Variants in KCNMA1 observed in about 807,000 individuals in gnomAD.
KCNMA1 encodes the protein Calcium-activated potassium channel subunit alpha-1.
Under a neutral mutation model 140.0 loss-of-function variants are expected in KCNMA1, and 29 were observed. That is an observed-to-expected ratio of 0.21 (90% CI 0.15 to 0.28). The LOEUF is 0.28. Among genes scored for constraint, KCNMA1 ranks in the 10% least tolerant of loss-of-function variants. The pLI is 1.00. For synonymous variants in KCNMA1, 612 were observed against 611.9 expected, an observed-to-expected ratio of 1.00 and a Z score of 0.00; for missense variants, 880 against 1,602.2, an observed-to-expected ratio of 0.55 and a Z score of 7.70.
rs543251639 is a variant in KCNMA1 at position 77,608,399 on chromosome 10, C to A, written c.378+28866G>T. Among the ~76,000 whole-genome samples, 4 of 152,216 alleles carry A rather than the reference C, an allele frequency of 2.6e-5. No individual in the cohort carries two copies. The South Asian group carries it at 8.3e-4, about 32-fold the overall frequency. On this transcript the variant is annotated intron_variant, in intron 1 of 27. Transcript: ENST00000286628. ...ATGTTGCCCAGGCTGGTCTCAAACT[C>A]CTGGGCTCAAGCGATCCACCCGCCT... is the stretch of plus-strand genomic sequence containing the variant.
At chr10:77,207,058 T>C (rs1430191636) in intron 3 of KCNMA1, among the ~76,000 whole-genome samples, 5 of 152,190 alleles carry the variant, frequency 3.3e-5, no homozygotes, top group Non-Finnish European at 1.5e-5. Flanking sequence ...ATGTTTGACA[T>C]CTAATTTTTG....
intron 1 of KCNMA1, chr10:77,586,483 G>T (rs1385856088): frequency 6.6e-6 from 1 of 152,202 alleles, no homozygotes; most frequent in African/African-American, 2.4e-5. Context: ...GAACAAAATA[G>T]AGATGCAGCA....
intron 23 of KCNMA1, among the ~76,000 whole-genome samples, chr10:76,943,971 A>G (rs1412328506): frequency 6.6e-6 from 1 of 152,108 alleles, no homozygotes; most frequent in Non-Finnish European, 1.5e-5. Context: ...CAGGCAGCCA[A>G]TGCCACCCTC....
At chr10:77,164,804 A>G (rs2154085116) in intron 5 of KCNMA1, among the ~76,000 whole-genome samples, 1 of 152,298 alleles carries the variant, frequency 6.6e-6, no homozygotes, top group East Asian at 1.9e-4. Flanking sequence ...TAACAGAAGC[A>G]ACTGGTTGAA....
chr10:77,141,261 C>T (rs1358645235), intron 5 of KCNMA1, among the ~76,000 whole-genome samples: 1 of 152,134 alleles, frequency 6.6e-6, no homozygotes. Flanking sequence ...TCTCTCATTA[C>T]CAACCCCAGC....
chr10:77,001,455 G>C lies in KCNMA1; in HGVS notation c.2218C>G (p.Pro740Ala). 1 of 1,551,756 alleles carries C rather than the reference G, an allele frequency of 6.4e-7. No individual in the cohort carries two copies. Among genetic ancestry groups the C allele is most frequent in the Non-Finnish European group, 8.7e-7 (1 of 1,146,972 alleles). The change falls in exon 19 of 28, where the codon CCA becomes GCA. Residue 740 changes from proline to alanine, a missense_variant. Pro to Ala is a conservative substitution (Grantham distance 27, BLOSUM62 -1). Coordinates refer to ENST00000286628, the MANE Select transcript of KCNMA1 (RefSeq NM_001161352.2). ...GNVDTLERAF[P>A]LSSVSVNDCS... ...TCATTAACAGAGACAGAAGAAAGTG[G>C]GAAGGCTCTCTCAAGGGTGTCCACG...
At chr10:77,403,574 G>GGT (rs147994970) in intron 2 of KCNMA1, among the ~76,000 whole-genome samples, 1 of 151,852 alleles carries the variant, frequency 6.6e-6, no homozygotes, top group Non-Finnish European at 1.5e-5. Flanking sequence ...GATGATGGAG[G>GGT]GTGTGTGTGT....
intron 23 of KCNMA1, among the ~76,000 whole-genome samples, chr10:76,920,051 T>TAC (rs1239365177): frequency 8.6e-5 from 10 of 116,710 alleles, no homozygotes; most frequent in Non-Finnish European, 1.7e-5. Flanking sequence ...TATATATATA[T>TAC]ACACACAATA....
intron 1 of KCNMA1, among the ~76,000 whole-genome samples, chr10:77,565,734 A>G (rs2068042743): frequency 6.6e-6 from 1 of 152,246 alleles, no homozygotes; most frequent in Admixed American, 6.5e-5. Context: ...TTGGCACAAG[A>G]TAAGTGGTTA....
At chr10:77,610,290 C>A (rs572913102) in intron 1 of KCNMA1, among the ~76,000 whole-genome samples, 1 of 152,372 alleles carries the variant, frequency 6.6e-6, no homozygotes, top group Admixed American at 6.5e-5. Context: ...CTGCACCCCC[C>A]ACCACACACA....
chr10:77,565,926 C>G (rs116595129), intron 1 of KCNMA1, among the ~76,000 whole-genome samples: 1 of 152,108 alleles, frequency 6.6e-6, no homozygotes, highest in African/African-American at 2.4e-5. Context: ...CAGGGACACA[C>G]AGAACAAGCC....
chr10:77,434,340 G>A (rs1206020811), intron 1 of KCNMA1, among the ~76,000 whole-genome samples: 1 of 152,176 alleles, frequency 6.6e-6, no homozygotes, highest in Non-Finnish European at 1.5e-5. Flanking sequence ...CTGTGGAAAG[G>A]AGGTATCTTG....
At chr10:76,945,660 G>A (rs1435601520) in intron 22 of KCNMA1, among the ~76,000 whole-genome samples, 1 of 152,078 alleles carries the variant, frequency 6.6e-6, no homozygotes, top group African/African-American at 2.4e-5. Context: ...ATATACTTTT[G>A]GACATGCACA....
At chr10:77,032,200 A>T (rs1175521076) in intron 15 of KCNMA1, among the ~76,000 whole-genome samples, 1 of 152,120 alleles carries the variant, frequency 6.6e-6, no homozygotes, top group African/African-American at 2.4e-5. Flanking sequence ...TACCCCTTAC[A>T]CTCCCAAGAA....
At chr10:76,969,798 A>G (rs1279657707) in intron 20 of KCNMA1, among the ~76,000 whole-genome samples, 176 bp downstream of exon 20, 1 of 152,342 alleles carries the variant, frequency 6.6e-6, no homozygotes, top group East Asian at 1.9e-4. Flanking sequence ...AACTGCTGAC[A>G]AGCTGACAGA....
chr10:77,271,848 A>T (rs1247009113), intron 2 of KCNMA1, among the ~76,000 whole-genome samples: 1 of 152,178 alleles, frequency 6.6e-6, no homozygotes, highest in Non-Finnish European at 1.5e-5. Flanking sequence ...GGAAAAAAAA[A>T]GCTCAGATAC....
At chr10:77,177,396 TTTCC>T (rs1028870312) in intron 5 of KCNMA1, among the ~76,000 whole-genome samples, 4 of 150,854 alleles carry the variant, frequency 2.7e-5, no homozygotes, top group Admixed American at 6.6e-5. Flanking sequence ...TTCTTCCTTC[TTTCC>T]TTCCTTCCTT....
intron 1 of KCNMA1, among the ~76,000 whole-genome samples, chr10:77,447,252 T>G (rs563920978): frequency 1.3e-5 from 2 of 152,328 alleles, no homozygotes; most frequent in South Asian, 4.1e-4. Context: ...TCTGCTGGGT[T>G]GGCCGAGGTT....
At chr10:77,446,216 A>G (rs1440535525) in intron 1 of KCNMA1, among the ~76,000 whole-genome samples, 2 of 152,198 alleles carry the variant, frequency 1.3e-5, no homozygotes, top group Non-Finnish European at 2.9e-5. Flanking sequence ...AGGCCCTTGG[A>G]CCACCAGTGA....
Sources: allele counts gnomAD v4.1 joint callset (sites outside exome capture counted in the v4.1 genomes callset), GRCh38; gene constraint gnomAD v4.1.1; transcripts MANE v1.5; gene names NCBI Gene and HGNC (gene_info 2026-07-23, HGNC 2026-07-21).